The following PPM1H variants were observed in gnomAD, a reference collection of about 807,000 sequenced individuals.
PPM1H encodes the protein protein phosphatase, Mg2+/Mn2+ dependent 1H, also known as protein phosphatase 1H.
PPM1H carries 27 observed loss-of-function variants against 54.9 expected under a neutral mutation model. The ratio of observed to expected loss-of-function variants is 0.49; its 90% CI spans 0.36 to 0.68. The LOEUF (loss-of-function observed/expected upper bound fraction) is 0.68. Ranked by LOEUF, PPM1H falls within the 30% of genes least tolerant of loss-of-function variation. PPM1H has a pLI of 0.00. For synonymous variants in PPM1H, 305 were observed against 270.8 expected, an observed-to-expected ratio of 1.13 and a Z score of -1.24; for missense variants, 596 against 667.8, an observed-to-expected ratio of 0.89 and a Z score of 1.19.
At chr12:62,797,677 A>G (rs1345831569) in intron 3 of PPM1H, among the ~76,000 whole-genome samples, 1 of 152,178 alleles carries the variant, frequency 6.6e-6, no homozygotes, top group Non-Finnish European at 1.5e-5. Flanking sequence ...GAGGAAAGAA[A>G]AAGGAGTTGG....
chr12:62,701,534 A>G (rs892327866), intron 6 of PPM1H, among the ~76,000 whole-genome samples: 1 of 152,214 alleles, frequency 6.6e-6, no homozygotes, highest in Non-Finnish European at 1.5e-5. Context: ...ATCCACAAGC[A>G]TCACTCTCCA....
intron 5 of PPM1H, 100 bp downstream of exon 5, chr12:62,737,402 G>A (rs1191904745): frequency 3.3e-5 from 23 of 707,236 alleles, no homozygotes; most frequent in African/African-American, 1.1e-4. Context: ...ATTTGAATGC[G>A]GTGAGCCTGC....
Position 62,788,200 on chromosome 12 carries a change from A to G in PPM1H, c.869+26T>C, listed in dbSNP as rs551455454. 17 of 1,422,154 alleles carry G rather than the reference A, an allele frequency of 1.2e-5. No homozygotes were observed. In the Admixed American group the frequency reaches 3.3e-4, roughly 27 times the overall value. 88.1% of individuals were successfully genotyped at this position (1,422,154 alleles called of 1,614,324 possible). On this transcript the variant is annotated intron_variant, in intron 4 of 9. Transcript: ENST00000228705. Reference sequence around the variant, plus strand: ...ACATCAGAAGGCATTAGAAATTAGCAAGAATCAGACAGCTCATCTGCTTAC... The same window carrying G: ...ACATCAGAAGGCATTAGAAATTAGCGAGAATCAGACAGCTCATCTGCTTAC...
chr12:62,671,839 G>A (rs1565751549), intron 8 of PPM1H, among the ~76,000 whole-genome samples: 1 of 152,176 alleles, frequency 6.6e-6, no homozygotes, highest in South Asian at 2.1e-4. Flanking sequence ...CAACCCTAAG[G>A]AGGACCAAAG....
intron 1 of PPM1H, among the ~76,000 whole-genome samples, chr12:62,897,506 A>T (rs532347097): frequency 1.3e-5 from 2 of 152,280 alleles, no homozygotes; most frequent in South Asian, 4.1e-4. Context: ...GGAGCCTTTG[A>T]TTAAGACAAT....
At chr12:62,738,412 A>C (rs976412538) in intron 4 of PPM1H, among the ~76,000 whole-genome samples, 1 of 151,916 alleles carries the variant, frequency 6.6e-6, no homozygotes, top group Non-Finnish European at 1.5e-5. Flanking sequence ...AAACTCATAC[A>C]CTCCAAAAAG....
Position 62,923,702 on chromosome 12 carries a change from G to A in PPM1H, c.245+10790C>T, listed in dbSNP as rs77937755. Among the ~76,000 whole-genome samples, 641 of 152,160 alleles carry A rather than the reference G, an allele frequency of 4.2e-3. 17 individuals are homozygous for A. In the East Asian group the frequency reaches 0.07, roughly 17 times the overall value. ...CTGGCATGAGCCACTGAGCCTGGCC[G>A]AAAATTTTCATAGTAAAATGCTGGG... On this transcript the variant is annotated intron_variant, in intron 1 of 9. Coordinates refer to ENST00000228705, the MANE Select transcript of PPM1H (RefSeq NM_020700.2).
intron 8 of PPM1H, among the ~76,000 whole-genome samples, chr12:62,682,621 A>G (rs993044627): frequency 3.9e-5 from 6 of 152,106 alleles, no homozygotes; most frequent in Non-Finnish European, 1.5e-5. Context: ...CTGGCCTCTC[A>G]GTCTCCTGAG....
intron 1 of PPM1H, among the ~76,000 whole-genome samples, chr12:62,835,122 G>A (rs1057261447): frequency 3.3e-5 from 5 of 152,108 alleles, no homozygotes; most frequent in South Asian, 2.1e-4. Flanking sequence ...AAAAAGCATC[G>A]CTGATCTCCA....
At chr12:62,661,419 G>GAGAC (rs1333392757) in intron 9 of PPM1H, among the ~76,000 whole-genome samples, 1 of 151,932 alleles carries the variant, frequency 6.6e-6, no homozygotes, top group African/African-American at 2.4e-5. Flanking sequence ...TTTATTTTTT[G>GAGAC]AGACAGGGTC....
At chr12:62,754,726 G>GGAC (rs2076460804) in intron 4 of PPM1H, among the ~76,000 whole-genome samples, 2 of 152,192 alleles carry the variant, frequency 1.3e-5, no homozygotes, top group Admixed American at 6.5e-5. Flanking sequence ...TAAAAGAAAT[G>GGAC]TTAAGCCATA....
chr12:62,823,549 C>T (rs1163097901), intron 2 of PPM1H, among the ~76,000 whole-genome samples: 1 of 152,192 alleles, frequency 6.6e-6, no homozygotes, highest in Non-Finnish European at 1.5e-5. Flanking sequence ...GCTTATCCAC[C>T]ATGATCAAGT....
At chr12:62,772,823 T>TAGC (rs1423945705) in intron 4 of PPM1H, among the ~76,000 whole-genome samples, 17 of 152,124 alleles carry the variant, frequency 1.1e-4, no homozygotes, top group Middle Eastern at 3.2e-3. Flanking sequence ...CAGGCAGTAG[T>TAGC]AGCGGGAGGC....
At chr12:62,710,181 C>T (rs1018198044) in intron 6 of PPM1H, among the ~76,000 whole-genome samples, 1 of 152,100 alleles carries the variant, frequency 6.6e-6, no homozygotes, top group African/African-American at 2.4e-5. Flanking sequence ...CACAGATGGG[C>T]TTGACCCTCC....
chr12:62,933,061 G>A (rs1034264484), intron 1 of PPM1H, among the ~76,000 whole-genome samples: 16 of 151,780 alleles, frequency 1.1e-4, no homozygotes, highest in African/African-American at 3.6e-4. Context: ...GCTTTCTCTT[G>A]GAAGTTACAA....
intron 2 of PPM1H, among the ~76,000 whole-genome samples, chr12:62,821,241 G>T (rs2076901758): frequency 6.6e-6 from 1 of 152,112 alleles, no homozygotes; most frequent in Admixed American, 6.6e-5. Context: ...AAAAAGAAAT[G>T]AACAAAGCCT....
At chr12:62,724,109 C>A (rs947524680) in intron 5 of PPM1H, among the ~76,000 whole-genome samples, 1 of 152,172 alleles carries the variant, frequency 6.6e-6, no homozygotes, top group Admixed American at 6.5e-5. Context: ...AGTACCCCTA[C>A]CCCTGAGTTT....
At chr12:62,732,233 C>A (rs189568363) in intron 5 of PPM1H, among the ~76,000 whole-genome samples, 142 of 152,266 alleles carry the variant, frequency 9.3e-4, no homozygotes, top group African/African-American at 3.2e-3. Flanking sequence ...AATCACCCTG[C>A]CTGAGAATCT....
intron 1 of PPM1H, among the ~76,000 whole-genome samples, chr12:62,834,994 C>T: frequency 6.6e-6 from 1 of 152,160 alleles, no homozygotes; most frequent in East Asian, 1.9e-4. Flanking sequence ...TCCCTCCATA[C>T]TGTCATCCGT....
Sources: allele counts gnomAD v4.1 joint callset (sites outside exome capture counted in the v4.1 genomes callset), GRCh38; gene constraint gnomAD v4.1.1; transcripts MANE v1.5; gene names NCBI Gene and HGNC (gene_info 2026-07-23, HGNC 2026-07-21).